Variants in RCOR1 observed in about 807,000 individuals in gnomAD.
RCOR1 encodes REST corepressor.
Under a neutral mutation model 64.0 loss-of-function variants are expected in RCOR1, and 12 were observed. The ratio of observed to expected loss-of-function variants is 0.19; its 90% CI spans 0.12 to 0.30. The LOEUF (loss-of-function observed/expected upper bound fraction) is 0.30. Among genes scored for constraint, RCOR1 ranks in the 10% least tolerant of loss-of-function variants. The probability of loss-of-function intolerance (pLI) is 1.00; values close to 1 mark genes in which losing one functional copy is unlikely to be tolerated. For missense variants in RCOR1, 502 were observed against 621.2 expected, an observed-to-expected ratio of 0.81 and a Z score of 2.04; for synonymous variants, 279 against 227.2, an observed-to-expected ratio of 1.23 and a Z score of -2.05.
chr14:102,676,409 G>A (rs1424000261), intron 2 of RCOR1, among the ~76,000 whole-genome samples: 1 of 132,502 alleles, frequency 7.5e-6, no homozygotes, highest in Non-Finnish European at 1.6e-5. Flanking sequence ...TCCCAGTAGG[G>A]GCGGCCAGGC....
chr14:102,608,562 G>A (rs1249544373), intron 2 of RCOR1, among the ~76,000 whole-genome samples: 1 of 151,126 alleles, frequency 6.6e-6, no homozygotes, highest in East Asian at 2.0e-4. Context: ...AGCCTCCCAA[G>A]TAGCTGGGAT....
At chr14:102,698,459 A>C (rs986668097) in intron 3 of RCOR1, among the ~76,000 whole-genome samples, 1 of 152,070 alleles carries the variant, frequency 6.6e-6, no homozygotes, top group Non-Finnish European at 1.5e-5. Context: ...TACATTCCTT[A>C]CTCAGTTAAG....
chr14:102,593,118 C>G lies in RCOR1; in HGVS notation c.232C>G (p.Pro78Ala), dbSNP rs759238170. Residue 78 changes from proline (P) to alanine (A), a missense_variant, in exon 1 of 12, where the codon CCC (proline) becomes GCC (alanine). Transcript: ENST00000262241. Reference protein sequence around the residue: ...GQNKSLAAAAPNGNSSSNSWE... With the variant: ...GQNKSLAAAAANGNSSSNSWE... The stretch of plus-strand genomic sequence containing the variant: ...GAATAAAAGTTTGGCGGCGGCGGCG[C>G]CCAATGGCAACAGCAGCAGCAACTC... 9.3e-6 allele frequency: 14 copies of G among 1,511,496 alleles called. No homozygotes were observed. In the East Asian group the frequency reaches 4.0e-4, roughly 43 times the overall value. 93.6% of individuals were successfully genotyped at this position (1,511,496 alleles called of 1,614,324 possible).
At chr14:102,601,291 G>A (rs1221074289) in intron 2 of RCOR1, among the ~76,000 whole-genome samples, 1 of 152,132 alleles carries the variant, frequency 6.6e-6, no homozygotes. Flanking sequence ...GGGATTACAG[G>A]CTTGAGCCAC....
Position 102,592,971 on chromosome 14 carries a change from G to GCCGCCT in RCOR1, c.91_96dup (p.Ser31_Ala32dup), listed in dbSNP as rs1054401272. ...CGCGGCCGCCTCCGCCTCCGCCGCC[G>GCCGCCT]CCGCCTCCGCCGCCGCCTCGGCCGC... On this transcript the variant is annotated inframe_insertion, in exon 1 of 12. Coordinates refer to ENST00000262241, the MANE Select transcript of RCOR1 (RefSeq NM_015156.4). The GCCGCCT allele has an allele frequency of 6.9e-6, 8 of 1,153,960 alleles. No homozygotes were observed. Among genetic ancestry groups the GCCGCCT allele is most frequent in the Non-Finnish European group, 7.5e-6 (7 of 937,216 alleles). The allele number at this position is 1,153,960 out of a possible 1,614,324, so 71.5% of individuals were successfully genotyped here.
intron 8 of RCOR1, among the ~76,000 whole-genome samples, chr14:102,715,092 G>A (rs890185249): frequency 4.0e-5 from 6 of 149,606 alleles, no homozygotes; most frequent in African/African-American, 9.9e-5. Context: ...TTTTTGAGAC[G>A]GTGTCTCGCT....
At position 102,635,577 on chromosome 14, in the gene RCOR1, A is replaced by T. The variant is rs142395633; in HGVS notation, c.361+42252A>T. Among the ~76,000 whole-genome samples the T allele has an allele frequency of 3.5e-3, 537 of 152,298 alleles. 3 individuals are homozygous for T. Among genetic ancestry groups the T allele is most frequent in the African/African-American group, 0.012 (500 of 41,556 alleles). ...ATACAGAAATGAGCTAAAAGTAGCT[A>T]TATTATTATTAAAATTGTATGCAAT... On this transcript the variant is annotated intron_variant, in intron 2 of 11. Coordinates refer to ENST00000262241, the MANE Select transcript of RCOR1 (RefSeq NM_015156.4).
chr14:102,722,538 C>G (rs1261204690), intron 11 of RCOR1, 122 bp downstream of exon 11: 3 of 714,682 alleles, frequency 4.2e-6, no homozygotes, highest in Admixed American at 5.7e-5. Context: ...AGTAACTTCA[C>G]TCTTACCTGT....
intron 2 of RCOR1, among the ~76,000 whole-genome samples, chr14:102,666,966 G>A (rs1894925787): frequency 6.6e-6 from 1 of 152,128 alleles, no homozygotes; most frequent in South Asian, 2.1e-4. Context: ...ACTATGCACA[G>A]CCCACACTGA....
At chr14:102,713,901 G>T (rs1159959780) in intron 7 of RCOR1, among the ~76,000 whole-genome samples, 1 of 152,156 alleles carries the variant, frequency 6.6e-6, no homozygotes, top group African/African-American at 2.4e-5. Flanking sequence ...TCTTTAACTT[G>T]ACAAGATTTT....
At chr14:102,682,047 G>A (rs1367798916) in intron 3 of RCOR1, 69 bp downstream of exon 3, 1 of 982,334 alleles carries the variant, frequency 1.0e-6, no homozygotes, top group Non-Finnish European at 1.6e-6. Flanking sequence ...ACCTTTGAAG[G>A]TAAAAGCTTC....
At chr14:102,601,522 G>T (rs1893397805) in intron 2 of RCOR1, among the ~76,000 whole-genome samples, 1 of 152,192 alleles carries the variant, frequency 6.6e-6, no homozygotes, top group African/African-American at 2.4e-5. Flanking sequence ...GGTGTAGGTG[G>T]CAAGAGCCTT....
At chr14:102,662,439 C>G in intron 2 of RCOR1, 6 of 553,878 alleles carry the variant, frequency 1.1e-5, no homozygotes, top group South Asian at 8.3e-5. Context: ...TTGTTGTCCT[C>G]GCTCTTCTTC....
intron 11 of RCOR1, among the ~76,000 whole-genome samples, chr14:102,725,727 C>T (rs1896245357): frequency 2.0e-5 from 3 of 152,082 alleles, no homozygotes; most frequent in African/African-American, 7.2e-5. Context: ...AGGTGTGCGC[C>T]ACCACGCACG....
At chr14:102,662,552 C>G in intron 2 of RCOR1, 1 of 484,146 alleles carries the variant, frequency 2.1e-6, no homozygotes, top group Non-Finnish European at 4.0e-6. Flanking sequence ...CCCCTGGAGT[C>G]GCAGTGTTTT....
rs1274613413 is a variant in RCOR1, at chr14:102,714,530, A to T, written c.966A>T (p.Glu322Asp). The T allele has an allele frequency of 6.2e-7, 1 of 1,614,000 alleles. No individual in the cohort carries two copies. The highest frequency in any genetic ancestry group is 1.3e-5 in the African/African-American group (1 of 74,926). ...KPPKGMFLSQ[E>D]DVEAVSANAT... ...CAAAAGGAATGTTTCTTTCTCAAGA[A>T]GATGTGGAGGCTGTTTCTGCCAATG... The change falls in exon 8 of 12, where the codon GAA becomes GAT. Residue 322 changes from glutamate to aspartate, a missense_variant. By Grantham distance (45) the Glu-to-Asp change is conservative. Around this residue, in one of 2 missense-constraint regions of RCOR1, gnomAD observed 260 missense variants for 416.4 expected, o/e 0.62. Coordinates refer to ENST00000262241, the MANE Select transcript of RCOR1 (RefSeq NM_015156.4).
chr14:102,653,035 C>T (rs1014753303), intron 2 of RCOR1, among the ~76,000 whole-genome samples: 2 of 152,028 alleles, frequency 1.3e-5, no homozygotes, highest in African/African-American at 2.4e-5. Flanking sequence ...TGGGTTCAAG[C>T]GATTCTCCTG....
At chr14:102,676,623 A>C (rs1168743589) in intron 2 of RCOR1, among the ~76,000 whole-genome samples, 1 of 71,590 alleles carries the variant, frequency 1.4e-5, no homozygotes, top group South Asian at 6.0e-4. Flanking sequence ...GCGGCTGGCC[A>C]GGTGGGGGGC....
chr14:102,673,269 G>T (rs1895065280), intron 2 of RCOR1, among the ~76,000 whole-genome samples: 1 of 150,818 alleles, frequency 6.6e-6, no homozygotes, highest in Admixed American at 6.6e-5. Context: ...GATAGCTGTA[G>T]ATCTGATTTT....
Sources: gnomAD v4.1 joint callset for allele counts (sites outside exome capture counted in the v4.1 genomes callset) on GRCh38, gnomAD v4.1.1 for gene constraint, gnomAD v4.1.1 regional missense constraint, MANE v1.5 for transcripts, NCBI Gene and HGNC (gene_info 2026-07-23, HGNC 2026-07-21) for gene names.